Variants in NKAIN2 observed in about 807,000 individuals in gnomAD.
The protein encoded by NKAIN2 is sodium/potassium-transporting ATPase subunit beta-1-interacting protein 2.
NKAIN2 carries 14 observed loss-of-function variants against 32.6 expected under a neutral mutation model. That is an observed-to-expected ratio of 0.43 (90% CI 0.28 to 0.67). The LOEUF is 0.67. Among genes scored for constraint, NKAIN2 ranks in the 30% least tolerant of loss-of-function variants. NKAIN2 has a pLI of 0.17. For synonymous variants in NKAIN2, 80 were observed against 87.2 expected, an observed-to-expected ratio of 0.92 and a Z score of 0.46; for missense variants, 198 against 258.3, an observed-to-expected ratio of 0.77 and a Z score of 1.60.
At chr6:124,411,558 G>A (rs1275535655) in intron 3 of NKAIN2, among the ~76,000 whole-genome samples, 6 of 152,266 alleles carry the variant, frequency 3.9e-5, no homozygotes, top group Non-Finnish European at 7.3e-5. Context: ...TCAGCTGTTA[G>A]TCTGATGGGC....
chr6:124,215,588 G>C (rs1371307909), intron 1 of NKAIN2, among the ~76,000 whole-genome samples: 1 of 152,132 alleles, frequency 6.6e-6, no homozygotes, highest in Non-Finnish European at 1.5e-5. Flanking sequence ...CTAACTGCTA[G>C]AAGTCAAACT....
chr6:123,823,113 A>G (rs1343035705), intron 1 of NKAIN2: 1 of 152,202 alleles, frequency 6.6e-6, no homozygotes, highest in Non-Finnish European at 1.5e-5. Flanking sequence ...GTATTCGGAA[A>G]TATCAGGTTT....
chr6:124,353,965 T>C (rs530913831), intron 2 of NKAIN2, among the ~76,000 whole-genome samples: 2 of 152,296 alleles, frequency 1.3e-5, no homozygotes, highest in African/African-American at 4.8e-5. Flanking sequence ...TTGGGAGCCA[T>C]TGGCATTTGT....
At chr6:124,108,356 T>C (rs997959137) in intron 1 of NKAIN2, among the ~76,000 whole-genome samples, 1 of 152,130 alleles carries the variant, frequency 6.6e-6, no homozygotes. Flanking sequence ...GCCCATATTT[T>C]ACTTGGGTGA....
At chr6:123,980,875 C>CT (rs572742166) in intron 1 of NKAIN2, among the ~76,000 whole-genome samples, 6,226 of 142,966 alleles carry the variant, frequency 0.044, 214 homozygotes, top group African/African-American at 0.086. Context: ...TTCACTTATC[C>CT]TTTTTTTTTT....
At chr6:123,982,573 A>G (rs1778947784) in intron 1 of NKAIN2, among the ~76,000 whole-genome samples, 1 of 152,144 alleles carries the variant, frequency 6.6e-6, no homozygotes, top group Non-Finnish European at 1.5e-5. Context: ...GAGCTTCCAG[A>G]AGATGGAAAC....
Position 123,985,212 on chromosome 6 carries a change from A to G in NKAIN2, c.54+180958A>G, listed in dbSNP as rs1044303896. On this transcript the variant is annotated intron_variant, in intron 1 of 6. Transcript: ENST00000368417. ...GTCAGGAGTTTGAGACCAGCTGGCC[A>G]ACATGATGAAACCCCGTTTCTACTA... Among the ~76,000 whole-genome samples, 4 of 152,140 alleles carry G rather than the reference A, an allele frequency of 2.6e-5. No homozygotes were observed. The South Asian group carries it at 6.2e-4, about 24-fold the overall frequency.
Position 124,548,531 on chromosome 6 carries a change from C to T in NKAIN2, c.274-109655C>T, listed in dbSNP as rs140656350. Reference sequence around the variant, plus strand: ...CTCTGTCCTTATCCAGCACTCATTGCGAAGGAGAAAACTAGGATCCTTCAG... The same window carrying T: ...CTCTGTCCTTATCCAGCACTCATTGTGAAGGAGAAAACTAGGATCCTTCAG... On this transcript the variant is annotated intron_variant, in intron 3 of 6. Transcript: ENST00000368417. Among the ~76,000 whole-genome samples, 422 of 152,208 alleles carry T rather than the reference C, an allele frequency of 2.8e-3. 2 individuals are homozygous for T. Among genetic ancestry groups the T allele is most frequent in the African/African-American group, 9.5e-3 (394 of 41,524 alleles).
At chr6:124,136,094 T>G (rs550368710) in intron 1 of NKAIN2, among the ~76,000 whole-genome samples, 27 of 152,164 alleles carry the variant, frequency 1.8e-4, no homozygotes, top group Middle Eastern at 3.4e-3. Flanking sequence ...GAAAAGATGT[T>G]TATTTGAAAA....
chr6:124,024,342 G>A (rs1157140824), intron 1 of NKAIN2, among the ~76,000 whole-genome samples: 1 of 152,034 alleles, frequency 6.6e-6, no homozygotes, highest in Admixed American at 6.6e-5. Flanking sequence ...CTTTAGAAAA[G>A]GATTTGTAAT....
At chr6:124,248,692 TAAAACCATATTTTATA>T (rs1793540477) in intron 1 of NKAIN2, among the ~76,000 whole-genome samples, 2 of 152,126 alleles carry the variant, frequency 1.3e-5, no homozygotes, top group African/African-American at 4.8e-5. Context: ...GATTGAGTTG[TAAAACCATATTTTATA>T]AATCTTAGTA....
chr6:124,500,639 G>A (rs576074118), intron 3 of NKAIN2, among the ~76,000 whole-genome samples: 31 of 151,992 alleles, frequency 2.0e-4, no homozygotes, highest in African/African-American at 7.0e-4. Flanking sequence ...GCGTGACAGA[G>A]CAAGACTCTG....
intron 1 of NKAIN2, among the ~76,000 whole-genome samples, chr6:124,199,386 C>G (rs1487972084): frequency 6.6e-6 from 1 of 152,148 alleles, no homozygotes; most frequent in Non-Finnish European, 1.5e-5. Flanking sequence ...GTAGATTTCT[C>G]CTCTGGAATG....
At chr6:124,706,515 A>T (rs1775075729) in intron 4 of NKAIN2, among the ~76,000 whole-genome samples, 1 of 152,184 alleles carries the variant, frequency 6.6e-6, no homozygotes, top group Admixed American at 6.5e-5. Context: ...CAAAAAAAAG[A>T]TTGAATCAAG....
chr6:124,084,394 A>G (rs1343042818), intron 1 of NKAIN2, among the ~76,000 whole-genome samples: 3 of 151,812 alleles, frequency 2.0e-5, no homozygotes, highest in Admixed American at 2.0e-4. Context: ...GTAGCTTAGG[A>G]GCAATAGGCT....
intron 1 of NKAIN2, among the ~76,000 whole-genome samples, chr6:124,163,675 T>C (rs978186495): frequency 6.6e-5 from 10 of 152,150 alleles, no homozygotes; most frequent in Middle Eastern, 6.8e-3. Flanking sequence ...GTGTTTTCTC[T>C]TTGAGGATTT....
intron 1 of NKAIN2, among the ~76,000 whole-genome samples, chr6:123,957,984 A>G: frequency 6.6e-6 from 1 of 152,206 alleles, no homozygotes; most frequent in South Asian, 2.1e-4. Flanking sequence ...GAAAATATAA[A>G]GATAATATTA....
intron 3 of NKAIN2, among the ~76,000 whole-genome samples, chr6:124,586,827 T>C (rs1781729048): frequency 6.6e-6 from 1 of 152,294 alleles, no homozygotes; most frequent in South Asian, 2.1e-4. Flanking sequence ...GTGATACCTC[T>C]ATACAATGGA....
intron 1 of NKAIN2, among the ~76,000 whole-genome samples, chr6:124,090,317 A>G (rs952687852): frequency 6.6e-5 from 10 of 152,026 alleles, no homozygotes; most frequent in African/African-American, 2.4e-4. Context: ...ATTATCTCCA[A>G]TATGAATGAA....
Sources: allele counts gnomAD v4.1 joint callset (sites outside exome capture counted in the v4.1 genomes callset), GRCh38; gene constraint gnomAD v4.1.1; transcripts MANE v1.5; gene names NCBI Gene and HGNC (gene_info 2026-07-23, HGNC 2026-07-21).